The following MCC variants were observed in gnomAD, a reference collection of about 807,000 sequenced individuals.
MCC encodes colorectal mutant cancer protein.
Under a neutral mutation model 116.2 loss-of-function variants are expected in MCC, and 90 were observed. That is an observed-to-expected ratio of 0.77 (90% CI 0.65 to 0.92). The LOEUF (loss-of-function observed/expected upper bound fraction) is 0.92, where lower values mean the gene tolerates loss of function less well. Among genes scored for constraint, MCC ranks in the 40% least tolerant of loss-of-function variants. The pLI, the probability that MCC is intolerant of heterozygous loss-of-function variation, is 0.00. For synonymous variants in MCC, 578 were observed against 510.5 expected, an observed-to-expected ratio of 1.13 and a Z score of -1.78; for missense variants, 1,516 against 1,312.2, an observed-to-expected ratio of 1.16 and a Z score of -2.40.
intron 3 of MCC, among the ~76,000 whole-genome samples, chr5:113,262,966 T>C (rs1434672663): frequency 6.6e-6 from 1 of 152,190 alleles, no homozygotes; most frequent in Non-Finnish European, 1.5e-5. Context: ...ATCAAATTCA[T>C]ACAGAGTAAA....
At chr5:113,457,242 G>C (rs557711115) in intron 1 of MCC, among the ~76,000 whole-genome samples, 1 of 152,364 alleles carries the variant, frequency 6.6e-6, no homozygotes, top group African/African-American at 2.4e-5. Flanking sequence ...ACTCGGAGCA[G>C]CTGGCTGGGC....
In MCC at chr5:113,125,689, G is replaced by A. The variant is rs564948429; in HGVS notation, c.885-2863C>T. Reference sequence around the variant, plus strand: ...TGTTCCATCAAGAGCTATGGAGTAAGTAAAAAACACCAAGAGTCCCTGGCA... The same window carrying A: ...TGTTCCATCAAGAGCTATGGAGTAAATAAAAAACACCAAGAGTCCCTGGCA... On this transcript the variant is annotated intron_variant, in intron 5 of 18. Transcript: ENST00000408903. 9.2e-5 allele frequency among the ~76,000 whole-genome samples: 14 copies of A among 152,282 alleles called. No individual in the cohort carries two copies. In the South Asian group the frequency reaches 2.5e-3, roughly 27 times the overall value.
intron 3 of MCC, among the ~76,000 whole-genome samples, chr5:113,233,034 A>G (rs1047461688): frequency 6.6e-6 from 1 of 152,160 alleles, no homozygotes; most frequent in African/African-American, 2.4e-5. Context: ...TAAATGAAAT[A>G]CCTGTAAAGC....
chr5:113,326,808 T>C (rs1375778214), intron 3 of MCC, among the ~76,000 whole-genome samples: 2 of 152,222 alleles, frequency 1.3e-5, no homozygotes, highest in African/African-American at 4.8e-5. Context: ...TAGATTATAT[T>C]CAACTATTTA....
At chr5:113,121,785 C>T (rs557022640) in intron 6 of MCC, among the ~76,000 whole-genome samples, 3 of 152,256 alleles carry the variant, frequency 2.0e-5, no homozygotes, top group East Asian at 3.9e-4. Flanking sequence ...GGTTCTTCTT[C>T]CATCTCTCCC....
chr5:113,061,784 G>C (rs1753237706), intron 14 of MCC, among the ~76,000 whole-genome samples: 1 of 152,200 alleles, frequency 6.6e-6, no homozygotes, highest in African/African-American at 2.4e-5. Flanking sequence ...TCTTGAAGCT[G>C]GGTGGTTACA....
intron 1 of MCC, among the ~76,000 whole-genome samples, chr5:113,408,102 TCTGAAAGGTAGATATCTTTCATACAAC>T (rs1769887893): frequency 6.6e-6 from 1 of 152,148 alleles, no homozygotes; most frequent in African/African-American, 2.4e-5. Flanking sequence ...CCTCAAATCA[TCTGAAAGGTAGATATCTTTCATACAAC>T]CTGGACAGAT....
At position 113,085,239 on chromosome 5, in the gene MCC, G is replaced by A. The variant is rs1255922894; in HGVS notation, c.1470C>T (p.Ser490=). Residue 490 remains serine, a synonymous_variant, in exon 9 of 19, where the codon TCC becomes TCT. Transcript: ENST00000408903. ...TGPSSPGRLT[S]TNRPINPSTG... ...TGCTGGGGTTAATCGGGCGGTTGGT[G>A]GAAGTGAGGCGGCCAGGGCTGGAGG... is the stretch of plus-strand genomic sequence containing the variant. The A allele has an allele frequency of 6.2e-6, 10 of 1,614,034 alleles. No individual in the cohort carries two copies.
chr5:113,357,840 T>C lies in MCC; in HGVS notation c.416-17110A>G, dbSNP rs1327378998. ...CCAAAGGGAAGACTCAGGGGAGAAG[T>C]AATGCAACCACAGAAGCATGCCATT... On this transcript the variant is annotated intron_variant, in intron 2 of 18. Coordinates refer to ENST00000408903, the MANE Select transcript of MCC (RefSeq NM_001085377.2). Among the ~76,000 whole-genome samples, 4 of 152,250 alleles carry C rather than the reference T, an allele frequency of 2.6e-5. No individual in the cohort carries two copies. The East Asian group carries it at 7.7e-4, about 29-fold the overall frequency.
chr5:113,027,607 G>T (rs1056276), intron 18 of MCC, 125 bp from the exon 19 acceptor site: 15 of 884,700 alleles, frequency 1.7e-5, no homozygotes, highest in Non-Finnish European at 2.6e-5. Flanking sequence ...CATCCTCTTC[G>T]GTAAGAATCT....
At chr5:113,062,222 G>A (rs1031407414) in intron 14 of MCC, among the ~76,000 whole-genome samples, 1 of 152,320 alleles carries the variant, frequency 6.6e-6, no homozygotes, top group East Asian at 1.9e-4. Flanking sequence ...TGGAAACAAT[G>A]ACTCTGTGTT....
At chr5:113,487,655 G>C (rs1472084943) in intron 1 of MCC, among the ~76,000 whole-genome samples, 1 of 152,250 alleles carries the variant, frequency 6.6e-6, no homozygotes, top group African/African-American at 2.4e-5. Context: ...TGAGCGCTTC[G>C]TTCCTCTCAG....
intron 3 of MCC, among the ~76,000 whole-genome samples, chr5:113,260,776 T>A (rs1476201869): frequency 2.0e-5 from 3 of 152,040 alleles, no homozygotes; most frequent in Admixed American, 1.3e-4. Flanking sequence ...AAAAGTACAT[T>A]ATTAATATTA....
intron 3 of MCC, among the ~76,000 whole-genome samples, chr5:113,170,525 T>C (rs1261792052): frequency 6.6e-6 from 1 of 152,090 alleles, no homozygotes; most frequent in Non-Finnish European, 1.5e-5. Context: ...CCCTATCTGC[T>C]TGTGGGAAGC....
chr5:113,042,585 G>C (rs1398498287), intron 17 of MCC, among the ~76,000 whole-genome samples: 2 of 150,512 alleles, frequency 1.3e-5, no homozygotes, highest in Non-Finnish European at 3.0e-5. Flanking sequence ...TCAACATATA[G>C]GTCAAACATC....
chr5:113,426,482 G>T (rs1209191511), intron 1 of MCC, among the ~76,000 whole-genome samples: 1 of 152,118 alleles, frequency 6.6e-6, no homozygotes, highest in Non-Finnish European at 1.5e-5. Flanking sequence ...AACCCTGAAG[G>T]TTCTGGGAAA....
intron 6 of MCC, among the ~76,000 whole-genome samples, chr5:113,108,254 AC>A (rs1561357248): frequency 7.0e-6 from 1 of 143,180 alleles, no homozygotes; most frequent in East Asian, 2.2e-4. Flanking sequence ...AATCACTTGA[AC>A]CCAGGAGGTG....
At chr5:113,374,671 T>C (rs1442133934) in intron 2 of MCC, among the ~76,000 whole-genome samples, 3 of 152,160 alleles carry the variant, frequency 2.0e-5, no homozygotes, top group Non-Finnish European at 2.9e-5. Flanking sequence ...TTCCTCCAAA[T>C]AGTCAACTAA....
intron 3 of MCC, among the ~76,000 whole-genome samples, chr5:113,254,748 G>C (rs1764943620): frequency 6.6e-6 from 1 of 152,108 alleles, no homozygotes; most frequent in African/African-American, 2.4e-5. Flanking sequence ...AGTGGTATTG[G>C]AGCCTCTGGA....
Sources: gnomAD v4.1 joint callset for allele counts (sites outside exome capture counted in the v4.1 genomes callset) on GRCh38, gnomAD v4.1.1 for gene constraint, MANE v1.5 for transcripts, NCBI Gene and HGNC (gene_info 2026-07-23, HGNC 2026-07-21) for gene names.